PCDHA5: variants seen among roughly 807,000 people sequenced by gnomAD.
PCDHA5 encodes the protein protocadherin alpha-5.
A neutral mutation model predicts 61.6 loss-of-function variants in PCDHA5; 43 were observed. That is an observed-to-expected ratio of 0.70 (90% CI 0.55 to 0.90). The LOEUF (loss-of-function observed/expected upper bound fraction) is 0.90, where lower values mean the gene tolerates loss of function less well. Among genes scored for constraint, PCDHA5 ranks in the 40% least tolerant of loss-of-function variants. The pLI is 0.00. For missense variants in PCDHA5, 1,298 were observed against 1,222.7 expected, an observed-to-expected ratio of 1.06 and a Z score of -0.92; for synonymous variants, 627 against 543.9, an observed-to-expected ratio of 1.15 and a Z score of -2.13.
chr5:140,883,658 G>C (rs573544891), intron 1 of PCDHA5: 2 of 1,613,994 alleles, frequency 1.2e-6, no homozygotes, highest in African/African-American at 2.7e-5. Context: ...CACGGTGTTC[G>C]TGAAGGAAAA....
Position 140,823,054 on chromosome 5 carries a change from C to A in PCDHA5, c.1279C>A (p.Arg427=), listed in dbSNP as rs2150121717. ...GGTCTATGAGCTGGTGGTGACCGCG[C>A]GGGACGGGGGCTCGCCTTCGCTGTG... The part of the protein sequence containing the change: ...VSVYELVVTA[R]DGGSPSLWAT... The change falls in exon 1 of 4, where the codon CGG becomes AGG. Residue 427 remains arginine (R), a synonymous_variant. Coordinates refer to ENST00000529859, the MANE Select transcript of PCDHA5 (RefSeq NM_018908.3). The A allele has an allele frequency of 1.2e-6, 2 of 1,614,154 alleles. No homozygotes were observed. Among genetic ancestry groups the A allele is most frequent in the East Asian group, 2.2e-5 (1 of 44,884 alleles).
chr5:140,967,576 A>T (rs2096159229), intron 1 of PCDHA5: 1 of 1,613,838 alleles, frequency 6.2e-7, no homozygotes, highest in African/African-American at 1.3e-5. Context: ...GGGAGGACTC[A>T]CCCCCAGGCA....
Position 140,828,509 on chromosome 5 carries a change from G to C in PCDHA5, c.2352+4382G>C, listed in dbSNP as rs2150156220. 7.7e-5 allele frequency: 125 copies of C among 1,614,278 alleles called. 6 individuals are homozygous for C. The South Asian group carries it at 1.4e-3, about 18-fold the overall frequency. ...CTTGTTCCCGGTAGAGGAACAAAGAGTGCTGATTTACGAATCTAGGCTGCC... is the reference window on the plus strand; with the variant it reads ...CTTGTTCCCGGTAGAGGAACAAAGACTGCTGATTTACGAATCTAGGCTGCC... On this transcript the variant is annotated intron_variant, in intron 1 of 3. Transcript: ENST00000529859.
intron 1 of PCDHA5, chr5:140,843,461 A>C (rs1476836171): frequency 1.3e-6 from 2 of 1,595,756 alleles, no homozygotes; most frequent in African/African-American, 2.7e-5. Flanking sequence ...GCTGGTGCTC[A>C]CGCTGCTGCT....
intron 1 of PCDHA5, chr5:140,968,754 G>T: frequency 1.2e-6 from 2 of 1,614,170 alleles, no homozygotes; most frequent in Non-Finnish European, 1.7e-6. Flanking sequence ...GTGGTGGTCC[G>T]AGATAATGGA....
intron 1 of PCDHA5, chr5:140,836,120 G>A (rs2150253260): frequency 1.2e-6 from 2 of 1,613,746 alleles, no homozygotes. Flanking sequence ...CAGTGAGAGA[G>A]CTTGTGCCGC....
At chr5:140,850,541 G>A (rs1554144490) in intron 1 of PCDHA5, 2 of 1,598,272 alleles carry the variant, frequency 1.3e-6, no homozygotes, top group Non-Finnish European at 1.7e-6. Flanking sequence ...CGTCGCGGGC[G>A]TCAGTGGGTG....
intron 1 of PCDHA5, chr5:140,881,999 A>C: frequency 2.1e-6 from 1 of 471,262 alleles, no homozygotes. Context: ...AGGAAATGCA[A>C]GGGGCAAAAA....
Position 140,822,234 on chromosome 5 carries a change from A to T in PCDHA5, c.459A>T (p.Leu153=), listed in dbSNP as rs2150114791. 1 of 1,614,268 alleles carries T rather than the reference A, an allele frequency of 6.2e-7. No individual in the cohort carries two copies. The highest frequency in any genetic ancestry group is 2.2e-5 in the East Asian group (1 of 44,892). ...ESRMPDSRFP[L]EGASDLDIGA... ...GAATGCCAGATTCGCGGTTTCCGCT[A>T]GAGGGCGCGTCGGATTTGGATATTG... Residue 153 remains leucine, a synonymous_variant, in exon 1 of 4, where the codon CTA becomes CTT. Transcript: ENST00000529859.
At chr5:140,868,887 G>A in intron 1 of PCDHA5, 1 of 740,170 alleles carries the variant, frequency 1.4e-6, no homozygotes, top group Admixed American at 3.1e-5. Context: ...CACAGTTTTA[G>A]GCGCAAGGTG....
chr5:140,822,577 G>A lies in PCDHA5; in HGVS notation c.802G>A (p.Ala268Thr), dbSNP rs1554128720. 7.4e-6 allele frequency: 12 copies of A among 1,612,030 alleles called. No homozygotes were observed. Among genetic ancestry groups the A allele is most frequent in the Non-Finnish European group, 1.0e-5 (12 of 1,178,406 alleles). ...TLVIKLNASD[A>T]DEGINKEIVY... ...AGTTATTAAACTGAACGCCTCAGAT[G>A]CAGATGAGGGCATCAATAAGGAAAT... The change falls in exon 1 of 4, where the codon GCA (alanine) becomes ACA (threonine). Residue 268 changes from alanine to threonine, a missense_variant. Ala to Thr is a moderately conservative substitution (Grantham distance 58, BLOSUM62 0). Coordinates refer to ENST00000529859, the MANE Select transcript of PCDHA5 (RefSeq NM_018908.3).
chr5:140,822,063 G>A lies in PCDHA5; in HGVS notation c.288G>A (p.Arg96=), dbSNP rs1581778547. 1.2e-6 allele frequency: 2 copies of A among 1,614,230 alleles called. No individual in the cohort carries two copies. The highest frequency in any genetic ancestry group is 2.2e-5 in the East Asian group (1 of 44,892). ...NSRIDREELC[R]RRAECSIHLE... ...GGATCGACCGGGAGGAGCTGTGCCGGCGGAGGGCGGAGTGCAGCATCCACC... is the reference window on the plus strand; with the variant it reads ...GGATCGACCGGGAGGAGCTGTGCCGACGGAGGGCGGAGTGCAGCATCCACC... The change falls in exon 1 of 4, where the codon CGG becomes CGA. Residue 96 remains arginine (R), a synonymous_variant. Transcript: ENST00000529859.
rs1777021029 is a variant in PCDHA5 at position 140,841,107 on chromosome 5, T to G, written c.2352+16980T>G. On this transcript the variant is annotated intron_variant, in intron 1 of 3. Coordinates refer to ENST00000529859, the MANE Select transcript of PCDHA5 (RefSeq NM_018908.3). ...TAGAAGAACCCAGATATTGCGGAAG[T>G]AATTCATGTAATCATTACCTTTTGA... 4 of 589,342 alleles carry G rather than the reference T, an allele frequency of 6.8e-6. No homozygotes were observed. In the South Asian group the frequency reaches 9.7e-5, roughly 14 times the overall value. The allele number at this position is 589,342 out of a possible 1,614,324, so 36.5% of individuals were successfully genotyped here. A position where few individuals can be genotyped will look rare whatever the true frequency, so the allele number is the denominator to read the frequency against.
chr5:140,852,246 C>T, intron 1 of PCDHA5: 3 of 546,236 alleles, frequency 5.5e-6, no homozygotes, highest in South Asian at 1.6e-4. Flanking sequence ...TTAAAACACA[C>T]TTTTGGAATA....
intron 1 of PCDHA5, among the ~76,000 whole-genome samples, chr5:140,915,296 A>G (rs556254508): frequency 6.6e-6 from 1 of 152,086 alleles, no homozygotes; most frequent in East Asian, 1.9e-4. Flanking sequence ...TCTACTTAAG[A>G]TAAGTTTACA....
At chr5:140,877,605 G>A (rs1554169915) in intron 1 of PCDHA5, 1 of 1,613,856 alleles carries the variant, frequency 6.2e-7, no homozygotes, top group Non-Finnish European at 8.5e-7. Context: ...CCAGCCTGCT[G>A]GTGCTCACGC....
chr5:140,831,526 T>C (rs2150196018), intron 1 of PCDHA5, among the ~76,000 whole-genome samples: 1 of 114,962 alleles, frequency 8.7e-6, no homozygotes, highest in African/African-American at 4.1e-5. Context: ...CCACCTTTTT[T>C]TTTTTTTTTT....
At chr5:140,882,300 C>T in intron 1 of PCDHA5, 2 of 1,613,722 alleles carry the variant, frequency 1.2e-6, no homozygotes, top group Non-Finnish European at 1.7e-6. Context: ...GGCCCAAGAC[C>T]GCGGCAACTA....
chr5:140,869,176 G>C lies in PCDHA5; in HGVS notation c.2352+45049G>C, dbSNP rs200962401. The C allele has an allele frequency of 2.8e-5, 45 of 1,613,986 alleles. No individual in the cohort carries two copies. The East Asian group carries it at 9.6e-4, about 34-fold the overall frequency. On this transcript the variant is annotated intron_variant, in intron 1 of 3. Coordinates refer to ENST00000529859, the MANE Select transcript of PCDHA5 (RefSeq NM_018908.3). Reference sequence around the variant, plus strand: ...CTGGCTTCTCCTCCTCGAATTCTGGGAGGTGGGGAGCGGCCAGCTCCACTA... The same window carrying C: ...CTGGCTTCTCCTCCTCGAATTCTGGCAGGTGGGGAGCGGCCAGCTCCACTA...
Sources: gnomAD v4.1 joint callset for allele counts (sites outside exome capture counted in the v4.1 genomes callset) on GRCh38, gnomAD v4.1.1 for gene constraint, MANE v1.5 for transcripts, NCBI Gene and HGNC (gene_info 2026-07-23, HGNC 2026-07-21) for gene names.